The following RPTOR variants were observed in gnomAD, a reference collection of about 807,000 sequenced individuals.
RPTOR encodes the protein regulatory-associated protein of mTOR.
RPTOR carries 21 observed loss-of-function variants against 169.9 expected under a neutral mutation model. The ratio of observed to expected loss-of-function variants is 0.12; its 90% CI spans 0.09 to 0.18. RPTOR has a LOEUF of 0.18. Ranked by LOEUF, RPTOR falls within the 10% of genes least tolerant of loss-of-function variation. RPTOR has a pLI of 1.00. For missense variants in RPTOR, 1,133 were observed against 1,855.9 expected (o/e 0.61, Z 7.16); for synonymous variants, 732 against 753.2 (o/e 0.97, Z 0.46).
At chr17:80,556,019 G>GTTTTTTTT (rs143244019) in intron 1 of RPTOR, among the ~76,000 whole-genome samples, 2 of 146,392 alleles carry the variant, frequency 1.4e-5, no homozygotes. Flanking sequence ...GATCTAAAAA[G>GTTTTTTTT]TTTTTTGTTT....
chr17:80,856,063 C>G (rs116957197), intron 12 of RPTOR, among the ~76,000 whole-genome samples: 1 of 152,082 alleles, frequency 6.6e-6, no homozygotes, highest in Non-Finnish European at 1.5e-5. Context: ...AAGCGACGTG[C>G]GTTTAACAAA....
intron 3 of RPTOR, among the ~76,000 whole-genome samples, chr17:80,689,275 A>C (rs2143735455): frequency 6.6e-6 from 1 of 152,348 alleles, no homozygotes; most frequent in East Asian, 1.9e-4. Context: ...GAGAGGTTGC[A>C]TCTGCATCTT....
At chr17:80,824,092 C>G (rs2067413084) in intron 9 of RPTOR, among the ~76,000 whole-genome samples, 1 of 152,144 alleles carries the variant, frequency 6.6e-6, no homozygotes, top group African/African-American at 2.4e-5. Flanking sequence ...CCCAGAGAAG[C>G]AAGAAGGAAT....
intron 11 of RPTOR, among the ~76,000 whole-genome samples, chr17:80,849,803 C>T (rs937294542): frequency 3.9e-5 from 6 of 152,342 alleles, no homozygotes; most frequent in South Asian, 4.1e-4. Context: ...CAGGCGTGAA[C>T]GACCGCACCC....
At chr17:80,893,150 GC>G (rs1260694708) in intron 19 of RPTOR, among the ~76,000 whole-genome samples, 2 of 152,244 alleles carry the variant, frequency 1.3e-5, no homozygotes, top group Non-Finnish European at 2.9e-5. Flanking sequence ...GCTGTGCCCT[GC>G]CCCCGTCTCC....
chr17:80,730,754 T>TTTTTTG lies in RPTOR; in HGVS notation c.654+48_654+49insTTTTTG. On this transcript the variant is annotated intron_variant, in intron 5 of 33. Coordinates refer to ENST00000306801, the MANE Select transcript of RPTOR (RefSeq NM_020761.3). This position sits in a 1 kb window ranked among gnomAD's most constrained non-coding sequence, Gnocchi z 4.2. ...AGCGGTGCTGGGTTTGGTTTTGTTT[T>TTTTTTG]CCCTGGGGGTGGGGTTTGGGTGGGG... 3.6e-5 allele frequency: 26 copies of TTTTTTG among 721,406 alleles called. No individual in the cohort carries two copies. Among genetic ancestry groups the TTTTTTG allele is most frequent in the East Asian group, 5.2e-5 (1 of 19,412 alleles). 44.7% of individuals were successfully genotyped at this position (721,406 alleles called of 1,614,324 possible).
At chr17:80,546,011 C>T (rs896988428) in intron 1 of RPTOR, among the ~76,000 whole-genome samples, 5 of 152,000 alleles carry the variant, frequency 3.3e-5, no homozygotes, top group Admixed American at 2.6e-4. Context: ...TAATTCAATT[C>T]CAACTAAGTT....
intron 3 of RPTOR, among the ~76,000 whole-genome samples, chr17:80,658,708 C>T (rs1347566087): frequency 2.7e-5 from 4 of 150,096 alleles, no homozygotes; most frequent in Non-Finnish European, 4.4e-5. Context: ...GTACATTTCT[C>T]ATGTTCTGTT....
At chr17:80,767,207 T>C (rs62069375) in intron 6 of RPTOR, among the ~76,000 whole-genome samples, 58,018 of 151,944 alleles carry the variant, frequency 0.38, 11,660 homozygotes, top group East Asian at 0.56. Flanking sequence ...ACCCCATCTC[T>C]ACAAAATATA....
At position 80,619,249 on chromosome 17, in the gene RPTOR, C is replaced by A. The variant is rs558071939; in HGVS notation, c.163-6442C>A. ...TTGATGTTGGGAGGATAAGTGTGAG[C>A]CACACTCTCAGTGTGGGGGACAGAA... On this transcript the variant is annotated intron_variant, in intron 1 of 33. Coordinates refer to ENST00000306801, the MANE Select transcript of RPTOR (RefSeq NM_020761.3). Among the ~76,000 whole-genome samples the A allele has an allele frequency of 2.6e-5, 4 of 152,172 alleles. No individual in the cohort carries two copies. The South Asian group carries it at 8.3e-4, about 32-fold the overall frequency.
intron 6 of RPTOR, 142 bp from the exon 7 acceptor site, chr17:80,791,308 C>T (rs556048583): frequency 9.5e-6 from 6 of 630,908 alleles, no homozygotes; most frequent in Middle Eastern, 3.3e-4. Flanking sequence ...TAAAAGCTGC[C>T]GAATTAAGGA....
At chr17:80,713,628 C>T (rs1346107677) in intron 4 of RPTOR, among the ~76,000 whole-genome samples, 1 of 152,146 alleles carries the variant, frequency 6.6e-6, no homozygotes, top group Non-Finnish European at 1.5e-5. Flanking sequence ...AAACGATATA[C>T]TATGCCAATA....
intron 24 of RPTOR, among the ~76,000 whole-genome samples, chr17:80,927,732 C>CTGTGTGTCCGTG: frequency 6.8e-6 from 1 of 146,626 alleles, no homozygotes; most frequent in South Asian, 2.2e-4. Context: ...CTGTGTGTTT[C>CTGTGTGTCCGTG]TGTGTGTCTG....
intron 6 of RPTOR, chr17:80,773,992 CA>C: frequency 1.0e-6 from 1 of 985,454 alleles, no homozygotes; most frequent in Non-Finnish European, 1.2e-6. Context: ...CTCGGGCTGT[CA>C]GAAAGGACGA....
intron 7 of RPTOR, among the ~76,000 whole-genome samples, chr17:80,795,514 T>C (rs2067091956): frequency 6.6e-6 from 1 of 152,010 alleles, no homozygotes; most frequent in Admixed American, 6.5e-5. Context: ...CCATCTCCCC[T>C]TCTCCTGTGC....
intron 6 of RPTOR, among the ~76,000 whole-genome samples, chr17:80,764,195 T>C (rs1415135089): frequency 5.3e-5 from 8 of 151,446 alleles, no homozygotes; most frequent in African/African-American, 1.9e-4. Flanking sequence ...TTTTAAGTTT[T>C]AGGGTACATG....
chr17:80,606,875 T>C (rs759368749), intron 1 of RPTOR, among the ~76,000 whole-genome samples: 14 of 152,142 alleles, frequency 9.2e-5, no homozygotes, highest in Non-Finnish European at 1.9e-4. Flanking sequence ...AAGTCATACC[T>C]CTTAGCAATC....
intron 3 of RPTOR, among the ~76,000 whole-genome samples, chr17:80,662,516 T>C (rs1179287046): frequency 6.6e-6 from 1 of 151,396 alleles, no homozygotes; most frequent in Non-Finnish European, 1.5e-5. Flanking sequence ...GGGAAAATGG[T>C]CTTCTGCACT....
rs931455260 is a variant in RPTOR, at chr17:80,820,107, C to T, written c.891-2094C>T. 1.3e-5 allele frequency among the ~76,000 whole-genome samples: 2 copies of T among 152,160 alleles called. No individual in the cohort carries two copies. The highest frequency in any genetic ancestry group is 2.9e-5 in the Non-Finnish European group (2 of 68,018). Reference sequence around the variant, plus strand: ...ATCAGCAACTCCCGTGTCCTCCTTCCTTGCACAGTCGGGCCACTTATGTGT... The same window carrying T: ...ATCAGCAACTCCCGTGTCCTCCTTCTTTGCACAGTCGGGCCACTTATGTGT... On this transcript the variant is annotated intron_variant, in intron 7 of 33. Coordinates refer to ENST00000306801, the MANE Select transcript of RPTOR (RefSeq NM_020761.3). This position sits in a 1 kb window ranked among gnomAD's most constrained non-coding sequence, Gnocchi z 4.1.
Sources: gnomAD v4.1 joint callset for allele counts (sites outside exome capture counted in the v4.1 genomes callset) on GRCh38, gnomAD v4.1.1 for gene constraint, Gnocchi (gnomAD v3.1) non-coding constraint, MANE v1.5 for transcripts, NCBI Gene and HGNC (gene_info 2026-07-23, HGNC 2026-07-21) for gene names.